The following ZPBP2 variants were observed in gnomAD, a reference collection of about 807,000 sequenced individuals.
The protein encoded by ZPBP2 is zona pellucida-binding protein 2.
A neutral mutation model predicts 37.5 loss-of-function variants in ZPBP2; 34 were observed. The ratio of observed to expected loss-of-function variants is 0.91; its 90% CI spans 0.69 to 1.21. The LOEUF is 1.21. Ranked by LOEUF, ZPBP2 falls within the 50% of genes most tolerant of loss-of-function variation. The probability of loss-of-function intolerance (pLI) is 0.00; values close to 1 mark genes in which losing one functional copy is unlikely to be tolerated. For missense variants in ZPBP2, 397 were observed against 413.5 expected (o/e 0.96, Z 0.35); for synonymous variants, 143 against 138.4 (o/e 1.03, Z -0.23).
chr17:39,870,976 T>C lies in ZPBP2; in HGVS notation c.244+157T>C, dbSNP rs559526083. ...TCATGTTATATTTTGGCCACTTCCT[T>C]ATTTTCTCCTTATGCAAAAACTGAA... On this transcript the variant is annotated intron_variant, in intron 3 of 7. Coordinates refer to ENST00000348931, the MANE Select transcript of ZPBP2 (RefSeq NM_199321.3). Among the ~76,000 whole-genome samples, 3 of 152,294 alleles carry C rather than the reference T, an allele frequency of 2.0e-5. No homozygotes were observed. In the South Asian group the frequency reaches 6.2e-4, roughly 32 times the overall value.
In ZPBP2 at chr17:39,868,405, A is replaced by T. The variant is rs1367821772; in HGVS notation, c.51A>T (p.Gly17=). ...CCGCGGTGCTCTGGTGCCTCACAGG[A>T]GGTGGGGCTCCCTCCACCCGGTCCC... ...LLSAVLWCLT[G]VQCPRFTLFN... Residue 17 remains glycine (G), a splice_region_variant and synonymous_variant, in exon 1 of 8, where the codon GGA becomes GGT. Coordinates refer to ENST00000348931, the MANE Select transcript of ZPBP2 (RefSeq NM_199321.3). 1 of 1,610,720 alleles carries T rather than the reference A, an allele frequency of 6.2e-7. No homozygotes were observed. Among genetic ancestry groups the T allele is most frequent in the Non-Finnish European group, 8.5e-7 (1 of 1,179,954 alleles).
intron 2 of ZPBP2, 144 bp from the exon 3 acceptor site, chr17:39,870,550 C>A: frequency 4.7e-6 from 2 of 425,452 alleles, no homozygotes; most frequent in Non-Finnish European, 7.8e-6. Flanking sequence ...TTCAGACGAG[C>A]GTTCTAAATG....
chr17:39,870,851 T>C, intron 3 of ZPBP2, 32 bp downstream of exon 3: 4 of 1,440,420 alleles, frequency 2.8e-6, no homozygotes, highest in South Asian at 3.1e-5. Flanking sequence ...ACTTTTTTAA[T>C]GATGTGAACA....
At position 39,872,278 on chromosome 17, in the gene ZPBP2, G is replaced by T; in HGVS notation, c.415G>T (p.Glu139Ter). ...TTCTTTTTTTTTTAAAGCCTATCGG[G>T]AACCTGATTATTCATATCAGATGGC... ...RYDFMVFAYR[E>*]PDYSYQMAVR... Residue 139 changes from glutamate to a stop codon, truncating the protein, a stop_gained, in exon 5 of 8, where the codon GAA (glutamate) becomes TAA (stop). Transcript: ENST00000348931. LOFTEE classifies it high-confidence loss of function. 6.3e-7 allele frequency: 1 copy of T among 1,588,042 alleles called. No homozygotes were observed. The highest frequency in any genetic ancestry group is 8.5e-7 in the Non-Finnish European group (1 of 1,170,584).
chr17:39,870,657 A>G, intron 2 of ZPBP2, 37 bp from the exon 3 acceptor site: 2 of 1,227,394 alleles, frequency 1.6e-6, no homozygotes, highest in Non-Finnish European at 2.2e-6. Context: ...TAATTTTGCT[A>G]TATAATGTAG....
intron 2 of ZPBP2, among the ~76,000 whole-genome samples, chr17:39,870,236 G>C (rs1481835554): frequency 6.6e-6 from 1 of 151,914 alleles, no homozygotes; most frequent in Non-Finnish European, 1.5e-5. Context: ...TAGAGAGGGG[G>C]TTTTGCCGTT....
chr17:39,870,740 T>C lies in ZPBP2; in HGVS notation c.165T>C (p.Cys55=), dbSNP rs2063361245. 6.4e-7 allele frequency: 1 copy of C among 1,559,480 alleles called. No individual in the cohort carries two copies. The highest frequency in any genetic ancestry group is 8.8e-7 in the Non-Finnish European group (1 of 1,142,478). The change falls in exon 3 of 8, where the codon TGT becomes TGC. Residue 55 remains cysteine, a synonymous_variant. Transcript: ENST00000348931. ...ATCAAAATAGTCCAGTCCTTATCTG[T>C]ATGGATTTTAAGCTTTCTAAAAAAG... is the stretch of plus-strand genomic sequence containing the variant. ...ELHQNSPVLI[C]MDFKLSKKEI... is the part of the protein sequence containing the mutation.
chr17:39,870,627 TAGG>T (rs2063360608), intron 2 of ZPBP2, 64 bp from the exon 3 acceptor site: 1 of 940,518 alleles, frequency 1.1e-6, no homozygotes, highest in Non-Finnish European at 1.5e-6. Flanking sequence ...CACAAAATGG[TAGG>T]AGTATATTTC....
intron 2 of ZPBP2, among the ~76,000 whole-genome samples, chr17:39,869,118 T>G (rs559660767): frequency 6.6e-6 from 1 of 152,330 alleles, no homozygotes; most frequent in African/African-American, 2.4e-5. Context: ...AGACTCCTTC[T>G]GTGTTTGAGT....
At chr17:39,868,526 T>G in intron 1 of ZPBP2, 23 bp from the exon 2 acceptor site, 3 of 1,614,092 alleles carry the variant, frequency 1.9e-6, no homozygotes, top group Non-Finnish European at 2.5e-6. Context: ...TAACTAAAAG[T>G]CAGTGTTTTA....
rs1368051977 is a variant in ZPBP2, at chr17:39,874,752, T to A, written c.709-502T>A. ...CCAGCCTAATCTTAATTTTAATTTT[T>A]ATTTATTTATTTTTTCTGAGACGGG... On this transcript the variant is annotated intron_variant, in intron 6 of 7. Transcript: ENST00000348931. Among the ~76,000 whole-genome samples, 4 of 151,050 alleles carry A rather than the reference T, an allele frequency of 2.6e-5. No homozygotes were observed. The East Asian group carries it at 7.9e-4, about 30-fold the overall frequency.
chr17:39,876,837 G>A lies in ZPBP2; in HGVS notation c.*28G>A, dbSNP rs775852605. On this transcript the variant is annotated 3_prime_UTR_variant, in exon 8 of 8. Coordinates refer to ENST00000348931, the MANE Select transcript of ZPBP2 (RefSeq NM_199321.3). Reference sequence around the variant, plus strand: ...GTGAAAGCATTGTTACTTACTTGTGGAAGTCGGGGACATAAGATGATTTTC... The same window carrying A: ...GTGAAAGCATTGTTACTTACTTGTGAAAGTCGGGGACATAAGATGATTTTC... 34 of 1,611,462 alleles carry A rather than the reference G, an allele frequency of 2.1e-5. No individual in the cohort carries two copies. The highest frequency in any genetic ancestry group is 2.8e-5 in the Non-Finnish European group (33 of 1,178,500).
In ZPBP2 at chr17:39,877,571, A is replaced by G. The variant is rs1268557747; in HGVS notation, c.*762A>G. 1.3e-5 allele frequency: 2 copies of G among 152,008 alleles called. No individual in the cohort carries two copies. Among genetic ancestry groups the G allele is most frequent in the African/African-American group, 4.8e-5 (2 of 41,310 alleles). The allele number at this position is 152,008 out of a possible 1,614,324, so 9.4% of individuals were successfully genotyped here. A position where few individuals can be genotyped will look rare whatever the true frequency, so the allele number is the denominator to read the frequency against. On this transcript the variant is annotated 3_prime_UTR_variant, in exon 8 of 8. Transcript: ENST00000348931. Reference sequence around the variant, plus strand: ...CATACAGAATAGTTTCACCACCCTCAAAATCCTGTGCTTCACTTATTTATC... The same window carrying G: ...CATACAGAATAGTTTCACCACCCTCGAAATCCTGTGCTTCACTTATTTATC...
intron 3 of ZPBP2, 23 bp downstream of exon 3, chr17:39,870,842 C>CT: frequency 6.8e-7 from 1 of 1,461,188 alleles, no homozygotes; most frequent in South Asian, 1.5e-5. Context: ...TTAATATGTA[C>CT]TTTTTTAATG....
intron 2 of ZPBP2, 27 bp downstream of exon 2, chr17:39,868,641 C>T (rs1268266029): frequency 6.2e-7 from 1 of 1,613,604 alleles, no homozygotes; most frequent in East Asian, 2.2e-5. Flanking sequence ...CACACGCGGG[C>T]CCATTGGAGG....
chr17:39,872,225 C>A, intron 4 of ZPBP2, 45 bp from the exon 5 acceptor site: 2 of 1,437,462 alleles, frequency 1.4e-6, no homozygotes, highest in South Asian at 1.3e-5. Context: ...GAAATTAATG[C>A]TAGGTACGAT....
intron 6 of ZPBP2, among the ~76,000 whole-genome samples, chr17:39,874,693 A>C (rs1357203434): frequency 6.6e-6 from 1 of 152,044 alleles, no homozygotes; most frequent in Non-Finnish European, 1.5e-5. Context: ...TCTGCCTCCC[A>C]AAGTGCTGGG....
intron 7 of ZPBP2, among the ~76,000 whole-genome samples, chr17:39,876,350 A>G (rs1265448976): frequency 1.3e-5 from 2 of 152,212 alleles, no homozygotes; most frequent in Admixed American, 6.5e-5. Flanking sequence ...GAATGGTCCT[A>G]CCTGGAAAGC....
rs368223795 is a variant in ZPBP2 at position 39,872,386 on chromosome 17, A to C, written c.523A>C (p.Ile175Leu). 14 of 1,613,400 alleles carry C rather than the reference A, an allele frequency of 8.7e-6. No individual in the cohort carries two copies. In the African/African-American group the frequency reaches 1.7e-4, roughly 20 times the overall value. Residue 175 changes from isoleucine (I) to leucine (L), a missense_variant, in exon 5 of 8, where the codon ATT (isoleucine) becomes CTT (leucine). Ile to Leu is a conservative substitution (Grantham distance 5, BLOSUM62 2). Transcript: ENST00000348931. ...RVLKKILDSL[I>L]SDLSCHVIEP... is the part of the protein sequence containing the mutation. The stretch of plus-strand genomic sequence containing the variant: ...GCTGAAGAAAATCTTGGATAGTCTA[A>C]TTTCTGATTTGTCATGCCATGTCAT...
Sources: allele counts gnomAD v4.1 joint callset (sites outside exome capture counted in the v4.1 genomes callset), GRCh38; gene constraint gnomAD v4.1.1; transcripts MANE v1.5; gene names NCBI Gene and HGNC (gene_info 2026-07-23, HGNC 2026-07-21).